Variants in CFAP43 observed in about 807,000 individuals in gnomAD.
CFAP43 encodes the protein cilia- and flagella-associated protein 43.
CFAP43 carries 155 observed loss-of-function variants against 218.9 expected under a neutral mutation model. The ratio of observed to expected loss-of-function variants is 0.71; its 90% confidence interval spans 0.62 to 0.81. CFAP43 has a LOEUF of 0.81. CFAP43 is among the 30% of genes least tolerant of loss of function. CFAP43 has a pLI of 0.00. For missense variants in CFAP43, 1,778 were observed against 1,954.3 expected (o/e 0.91, Z 1.70); for synonymous variants, 645 against 681.3 (o/e 0.95, Z 0.83).
chr10:104,204,233 A>G (rs560003840), intron 7 of CFAP43, among the ~76,000 whole-genome samples: 129 of 152,306 alleles, frequency 8.5e-4, no homozygotes, highest in Non-Finnish European at 1.8e-3. Flanking sequence ...AAATGACCCA[A>G]GGGTAGGCAG....
intron 27 of CFAP43, among the ~76,000 whole-genome samples, chr10:104,152,933 A>C (rs1290576373): frequency 6.6e-6 from 1 of 152,152 alleles, no homozygotes; most frequent in East Asian, 1.9e-4. Flanking sequence ...AAAAGATTAC[A>C]TTGGGGAAAA....
intron 3 of CFAP43, among the ~76,000 whole-genome samples, chr10:104,223,483 C>A (rs534365594): frequency 2.6e-5 from 4 of 152,330 alleles, no homozygotes; most frequent in Non-Finnish European, 5.9e-5. Flanking sequence ...TAAGGCTCAG[C>A]CTTTCTAAGA....
intron 7 of CFAP43, among the ~76,000 whole-genome samples, chr10:104,205,677 C>T (rs1489071402): frequency 6.6e-6 from 1 of 152,104 alleles, no homozygotes; most frequent in Non-Finnish European, 1.5e-5. Context: ...AATTGGGTTA[C>T]AGATATTAGG....
At chr10:104,179,969 G>C in intron 17 of CFAP43, 37 bp from the exon 18 acceptor site, 1 of 1,548,442 alleles carries the variant, frequency 6.5e-7, no homozygotes, top group Non-Finnish European at 8.9e-7. Context: ...ATGTCTTAAA[G>C]TTAAAATTCA....
At chr10:104,131,598 T>C (rs1589602150) in intron 36 of CFAP43, 114 bp from the exon 37 acceptor site, 17 of 1,216,588 alleles carry the variant, frequency 1.4e-5, no homozygotes, top group Non-Finnish European at 1.4e-5. Flanking sequence ...AGATAACATC[T>C]TACCGCCATA....
At chr10:104,196,156 A>G (rs2090375973) in intron 10 of CFAP43, among the ~76,000 whole-genome samples, 1 of 152,196 alleles carries the variant, frequency 6.6e-6, no homozygotes, top group South Asian at 2.1e-4. Context: ...GAAGCCTAAG[A>G]TGAAACTAAA....
chr10:104,169,363 A>G (rs537860848), intron 20 of CFAP43, among the ~76,000 whole-genome samples: 2 of 152,204 alleles, frequency 1.3e-5, no homozygotes, highest in Admixed American at 1.3e-4. Context: ...GGGAGTCTTT[A>G]CTGTACTTAA....
Position 104,230,692 on chromosome 10 carries a change from T to C in CFAP43, c.217A>G (p.Thr73Ala). The change falls in exon 2 of 38, where the codon ACT becomes GCT. Residue 73 changes from threonine (T) to alanine (A), a missense_variant. By Grantham distance (58) the Thr-to-Ala change is moderately conservative. This residue lies in a region of CFAP43 where 1,553 missense variants were observed against 1,685.2 expected (regional missense o/e 0.92). Coordinates refer to ENST00000357060, the MANE Select transcript of CFAP43 (RefSeq NM_025145.7). The stretch of plus-strand genomic sequence containing the variant: ...GCCACAACTTCACAGGGGATGTTAG[T>C]TGCCATGACGCCCACAATTCCATTA... The part of the protein sequence containing the change: ...CSNGIVGVMA[T>A]NIPCEVVAFS... 1 of 1,614,126 alleles carries C rather than the reference T, an allele frequency of 6.2e-7. No individual in the cohort carries two copies.
intron 3 of CFAP43, among the ~76,000 whole-genome samples, chr10:104,217,913 G>A (rs750308263): frequency 4.6e-5 from 7 of 152,154 alleles, no homozygotes; most frequent in Non-Finnish European, 7.3e-5. Flanking sequence ...TGTTGTCAAA[G>A]CTTCATAAAC....
chr10:104,184,732 A>G (rs1174037061), intron 16 of CFAP43, among the ~76,000 whole-genome samples: 3 of 151,992 alleles, frequency 2.0e-5, no homozygotes, highest in Non-Finnish European at 4.4e-5. Flanking sequence ...TAATATTCAA[A>G]CTAGCCAATC....
intron 24 of CFAP43, 110 bp downstream of exon 24, chr10:104,163,982 TGA>T (rs2089015919): frequency 1.0e-6 from 1 of 1,001,392 alleles, no homozygotes; most frequent in Non-Finnish European, 1.5e-6. Flanking sequence ...TACCTGCAAC[TGA>T]GAGTGCTACC....
chr10:104,220,311 G>A (rs1049250625), intron 3 of CFAP43, among the ~76,000 whole-genome samples: 3 of 152,178 alleles, frequency 2.0e-5, no homozygotes, highest in Non-Finnish European at 4.4e-5. Flanking sequence ...ATATACGCAT[G>A]CTGTTTAAGC....
At chr10:104,157,993 A>G (rs1373100826) in intron 27 of CFAP43, among the ~76,000 whole-genome samples, 1 of 152,150 alleles carries the variant, frequency 6.6e-6, no homozygotes, top group Non-Finnish European at 1.5e-5. Context: ...GACACATGAA[A>G]AGGACACAGA....
chr10:104,225,387 C>T, intron 3 of CFAP43, 74 bp downstream of exon 3: 10 of 1,168,626 alleles, frequency 8.6e-6, no homozygotes, highest in South Asian at 6.3e-5. Context: ...TGTCTATTTC[C>T]TTCGATAAAA....
intron 10 of CFAP43, among the ~76,000 whole-genome samples, chr10:104,195,594 A>T (rs967799748): frequency 2.0e-5 from 3 of 152,162 alleles, no homozygotes; most frequent in African/African-American, 7.2e-5. Context: ...TATAATTAAG[A>T]TTTTAGTTTT....
At chr10:104,211,905 T>C (rs2090873775) in intron 5 of CFAP43, 102 bp downstream of exon 5, 8 of 1,342,520 alleles carry the variant, frequency 6.0e-6, no homozygotes, top group African/African-American at 1.5e-5. Context: ...GATGATCCTC[T>C]GTATCCTGCA....
rs2091464820 is a variant in CFAP43, at chr10:104,232,093, A to G, written c.65+89T>C. ...TCGAAGCTGCGGGGAAAGCCGCCCT[A>G]AGGAACCGGAGGGAGAGGAGGGAGG... On this transcript the variant is annotated intron_variant, in intron 1 of 37. Coordinates refer to ENST00000357060, the MANE Select transcript of CFAP43 (RefSeq NM_025145.7). The G allele has an allele frequency of 1.4e-6, 2 of 1,456,014 alleles. 1 individual carries two copies. The highest frequency in any genetic ancestry group is 2.7e-5 in the South Asian group (2 of 75,368). 90.2% of individuals were successfully genotyped at this position (1,456,014 alleles called of 1,614,324 possible).
At chr10:104,160,647 G>C (rs1053999702) in intron 27 of CFAP43, among the ~76,000 whole-genome samples, 1 of 152,146 alleles carries the variant, frequency 6.6e-6, no homozygotes, top group Non-Finnish European at 1.5e-5. Flanking sequence ...CCTTTTTCCT[G>C]AGATGGAGAA....
intron 2 of CFAP43, among the ~76,000 whole-genome samples, chr10:104,229,755 C>A (rs2091400431): frequency 6.6e-6 from 1 of 152,162 alleles, no homozygotes; most frequent in African/African-American, 2.4e-5. Flanking sequence ...TATATATTTT[C>A]ATCTATCATC....
Sources: gnomAD v4.1 joint callset for allele counts (sites outside exome capture counted in the v4.1 genomes callset) on GRCh38, gnomAD v4.1.1 for gene constraint, gnomAD v4.1.1 regional missense constraint, MANE v1.5 for transcripts, NCBI Gene and HGNC (gene_info 2026-07-23, HGNC 2026-07-21) for gene names.